SLCO1B1: variants seen among roughly 807,000 people sequenced by gnomAD.
SLCO1B1 encodes the protein OATP-2.
SLCO1B1 carries 81 observed loss-of-function variants against 70.1 expected under a neutral mutation model. The observed-to-expected ratio is 1.16, with a 90% CI of 0.97 to 1.39. The LOEUF is 1.39. Ranked by LOEUF, SLCO1B1 falls within the 40% of genes most tolerant of loss-of-function variation. SLCO1B1 has a pLI of 0.00. For synonymous variants in SLCO1B1, 283 were observed against 271.5 expected, an observed-to-expected ratio of 1.04 and a Z score of -0.42; for missense variants, 895 against 799.6, an observed-to-expected ratio of 1.12 and a Z score of -1.44.
intron 11 of SLCO1B1, among the ~76,000 whole-genome samples, chr12:21,211,134 G>C (rs1183451749): frequency 1.3e-5 from 2 of 152,118 alleles, no homozygotes; most frequent in Non-Finnish European, 2.9e-5. Flanking sequence ...TCCCTGTTTT[G>C]TGCCAGTTTT....
In SLCO1B1 at chr12:21,222,127, T is replaced by A. The variant is rs11045873; in HGVS notation, c.1683-173T>A. 0.13 allele frequency among the ~76,000 whole-genome samples: 20,235 copies of A among 151,694 alleles called. 1,655 individuals are homozygous for A. The highest frequency in any genetic ancestry group is 0.18 in the Non-Finnish European group (12,399 of 67,802). On this transcript the variant is annotated intron_variant, in intron 12 of 14. Coordinates refer to ENST00000256958, the MANE Select transcript of SLCO1B1 (RefSeq NM_006446.5). ...ATAAATAAGGGAATAATTATTATTA[T>A]TGCTCAAGTGTTTGCCTTTTAAAAC... is the stretch of plus-strand genomic sequence containing the variant.
rs904604899 is a variant in SLCO1B1, at chr12:21,239,101, G to A, written c.1988G>A (p.Ser663Asn). Residue 663 changes from serine to asparagine, a missense_variant, in exon 15 of 15, where the codon AGT becomes AAT. Physicochemically the swap from Ser to Asn is conservative, Grantham distance 46. Coordinates refer to ENST00000256958, the MANE Select transcript of SLCO1B1 (RefSeq NM_006446.5). ...EKDINASENGSVMDEANLESL... is the reference protein window; with the variant it reads ...EKDINASENGNVMDEANLESL... The stretch of plus-strand genomic sequence containing the variant: ...GATATCAATGCATCAGAAAATGGAA[G>A]TGTCATGGATGAAGCAAACTTAGAA... 3 of 1,611,074 alleles carry A rather than the reference G, an allele frequency of 1.9e-6. No individual in the cohort carries two copies. The highest frequency in any genetic ancestry group is 2.5e-6 in the Non-Finnish European group (3 of 1,177,724).
rs760245826 is a variant in SLCO1B1 at position 21,200,538 on chromosome 12, CT to C, written c.1002del (p.Asn335IlefsTer10). On this transcript the variant is annotated frameshift_variant, in exon 9 of 15. Coordinates refer to ENST00000256958, the MANE Select transcript of SLCO1B1 (RefSeq NM_006446.5). LOFTEE classifies it high-confidence loss of function. The stretch of plus-strand genomic sequence containing the variant: ...TTCCAGTCTTTTAAAAGCATCCTTA[CT>C]AATCCCCTGTATGTTATGTTTGTGC... The part of the protein sequence containing the change: ...GFFQSFKSIL[T>X]NPLYVMFVLL... 1 of 1,592,282 alleles carries C rather than the reference CT, an allele frequency of 6.3e-7. No homozygotes were observed. The highest frequency in any genetic ancestry group is 1.1e-5 in the South Asian group (1 of 86,994).
chr12:21,229,528 C>G (rs1049748087), intron 14 of SLCO1B1, among the ~76,000 whole-genome samples: 4 of 152,084 alleles, frequency 2.6e-5, no homozygotes, highest in African/African-American at 9.7e-5. Flanking sequence ...ATTTAAATTT[C>G]CTCCAGGTGT....
At chr12:21,176,119 T>G (rs574958416) in intron 4 of SLCO1B1, among the ~76,000 whole-genome samples, 16 of 152,132 alleles carry the variant, frequency 1.1e-4, no homozygotes, top group Admixed American at 2.6e-4. Flanking sequence ...ACCTTATATA[T>G]TAAACTTATA....
intron 3 of SLCO1B1, among the ~76,000 whole-genome samples, chr12:21,173,764 G>T (rs1940784438): frequency 6.9e-6 from 1 of 144,650 alleles, no homozygotes; most frequent in Admixed American, 6.9e-5. Context: ...ATTAGAAGTG[G>T]TCATGACTTT....
chr12:21,162,078 T>A (rs891358113), intron 2 of SLCO1B1, among the ~76,000 whole-genome samples: 4 of 151,676 alleles, frequency 2.6e-5, no homozygotes, highest in African/African-American at 9.7e-5. Context: ...AGGAACAATT[T>A]TTTAAAATCA....
chr12:21,173,352 T>A lies in SLCO1B1; in HGVS notation c.226+561T>A, dbSNP rs563111561. On this transcript the variant is annotated intron_variant, in intron 3 of 14. Transcript: ENST00000256958. ...TGTGTTTTTCCCTATTAGTAATTTT[T>A]TTCTAGATAATTTATAAGATGAATA... is the stretch of plus-strand genomic sequence containing the variant. Among the ~76,000 whole-genome samples the A allele has an allele frequency of 3.2e-3, 486 of 152,308 alleles. 5 individuals are homozygous for A. Among genetic ancestry groups the A allele is most frequent in the African/African-American group, 0.011 (472 of 41,582 alleles).
chr12:21,209,235 A>T (rs1466191539), intron 11 of SLCO1B1, among the ~76,000 whole-genome samples: 2 of 150,510 alleles, frequency 1.3e-5, no homozygotes, highest in African/African-American at 4.9e-5. Context: ...CAGTCCCCAG[A>T]GTGTGATATT....
At position 21,150,382 on chromosome 12, in the gene SLCO1B1, C is replaced by G. The variant is rs7306982; in HGVS notation, c.84+8724C>G. ...GCCTCCTTAAGTGGGTCCCTGACTCCCGTGCCTCCTGACTGGGAGACACCT... is the reference window on the plus strand; with the variant it reads ...GCCTCCTTAAGTGGGTCCCTGACTCGCGTGCCTCCTGACTGGGAGACACCT... On this transcript the variant is annotated intron_variant, in intron 2 of 14. Transcript: ENST00000256958. 2.1e-3 allele frequency among the ~76,000 whole-genome samples: 314 copies of G among 152,238 alleles called. 1 individual carries two copies. Among genetic ancestry groups the G allele is most frequent in the African/African-American group, 7.1e-3 (293 of 41,538 alleles).
chr12:21,178,360 C>T (rs1940846197), intron 5 of SLCO1B1, among the ~76,000 whole-genome samples: 2 of 152,006 alleles, frequency 1.3e-5, no homozygotes. Context: ...AGACCCTTTT[C>T]CTTTATAAAT....
chr12:21,207,955 C>A (rs1941233110), intron 11 of SLCO1B1, among the ~76,000 whole-genome samples: 1 of 151,904 alleles, frequency 6.6e-6, no homozygotes, highest in Non-Finnish European at 1.5e-5. Flanking sequence ...TGAGAAGTGT[C>A]TGTTCATGTC....
At chr12:21,145,440 C>T (rs928391349) in intron 2 of SLCO1B1, among the ~76,000 whole-genome samples, 5 of 149,052 alleles carry the variant, frequency 3.4e-5, no homozygotes, top group Non-Finnish European at 5.9e-5. Context: ...GCTGGAACTA[C>T]AGGCACATGC....
intron 11 of SLCO1B1, among the ~76,000 whole-genome samples, chr12:21,211,120 G>A (rs1941278545): frequency 6.6e-6 from 1 of 152,126 alleles, no homozygotes; most frequent in Admixed American, 6.6e-5. Context: ...GGTGAGAGAG[G>A]GCATCCCTGT....
chr12:21,235,417 A>T (rs1941587691), intron 14 of SLCO1B1, among the ~76,000 whole-genome samples: 1 of 148,432 alleles, frequency 6.7e-6, no homozygotes, highest in South Asian at 2.1e-4. Context: ...TCATTCTTTT[A>T]CTTTAAGTCT....
chr12:21,159,795 G>A (rs1940590666), intron 2 of SLCO1B1, among the ~76,000 whole-genome samples: 1 of 151,960 alleles, frequency 6.6e-6, no homozygotes, highest in African/African-American at 2.4e-5. Context: ...CAAAATCAAT[G>A]TACAAAAATC....
chr12:21,154,855 G>A (rs933148597), intron 2 of SLCO1B1, among the ~76,000 whole-genome samples: 1 of 151,988 alleles, frequency 6.6e-6, no homozygotes, highest in Non-Finnish European at 1.5e-5. Context: ...ATAGCTGAGA[G>A]GCTGTTTATC....
chr12:21,181,136 G>T (rs1940892648), intron 7 of SLCO1B1, among the ~76,000 whole-genome samples: 1 of 152,174 alleles, frequency 6.6e-6, no homozygotes, highest in South Asian at 2.1e-4. Context: ...CTCAGCTCTG[G>T]CCTATTCTTT....
intron 14 of SLCO1B1, among the ~76,000 whole-genome samples, chr12:21,238,312 T>C (rs1234201755): frequency 1.3e-5 from 2 of 152,184 alleles, no homozygotes; most frequent in Non-Finnish European, 2.9e-5. Flanking sequence ...ATTTTTATTT[T>C]TATACTTACA....
Sources: allele counts gnomAD v4.1 joint callset (sites outside exome capture counted in the v4.1 genomes callset), GRCh38; gene constraint gnomAD v4.1.1; transcripts MANE v1.5; gene names NCBI Gene and HGNC (gene_info 2026-07-23, HGNC 2026-07-21).